Variants in PER1 observed in about 807,000 individuals in gnomAD.
PER1 encodes the protein period circadian protein homolog 1.
In PER1, 87 loss-of-function variants were observed where a neutral mutation model predicts 125.9. The ratio of observed to expected loss-of-function variants is 0.69; its 90% CI spans 0.58 to 0.83. PER1 has a LOEUF of 0.83. Ranked by LOEUF, PER1 falls within the 40% of genes least tolerant of loss-of-function variation. The pLI is 0.00. For synonymous variants in PER1, 801 were observed against 714.7 expected (o/e 1.12, Z -1.93); for missense variants, 1,775 against 1,722.8 (o/e 1.03, Z -0.54).
rs537709443 is a variant in PER1, at chr17:8,143,439, G to T, written c.2899C>A (p.His967Asn). The T allele has an allele frequency of 6.2e-7, 1 of 1,611,644 alleles. No homozygotes were observed. The highest frequency in any genetic ancestry group is 8.5e-7 in the Non-Finnish European group (1 of 1,178,722). The change falls in exon 19 of 23, where the codon CAC becomes AAC. Residue 967 changes from histidine to asparagine, a missense_variant. Physicochemically the swap from His to Asn is moderately conservative, Grantham distance 68. Coordinates refer to ENST00000317276, the MANE Select transcript of PER1 (RefSeq NM_002616.3). ...SLPALAPSPP[H>N]RPDSPLFNSR... ...TTGAACAGTGGAGAGTCCGGGCGGT[G>T]AGGAGGACTCGGGGCGAGGGCGGGC...
At position 8,149,631 on chromosome 17, in the gene PER1, C is replaced by G. The variant is rs376983965; in HGVS notation, c.684G>C (p.Thr228=). 119 of 1,610,970 alleles carry G rather than the reference C, an allele frequency of 7.4e-5. No individual in the cohort carries two copies. Among genetic ancestry groups the G allele is most frequent in the Non-Finnish European group, 9.7e-5 (114 of 1,177,416 alleles). The change falls in exon 6 of 23, where the codon ACG becomes ACC. Residue 228 remains threonine (T), a synonymous_variant. Transcript: ENST00000317276. ...GCTCCGAAATGTAGACGATTCGGCC[C>G]GTCAGGAAGGAGACAGCCACTGAGA... is the stretch of plus-strand genomic sequence containing the variant. ...DTFSVAVSFL[T]GRIVYISEQA... is the part of the protein sequence containing the mutation.
chr17:8,142,476 G>A lies in PER1; in HGVS notation c.3260-18C>T. ...GCTGCTGCCTGTGAAGTGGGGGGCA[G>A]ACCAATGGGAGTCAGGCCGGCTGCA... On this transcript the variant is annotated intron_variant, in intron 20 of 22. Coordinates refer to ENST00000317276, the MANE Select transcript of PER1 (RefSeq NM_002616.3). The A allele has an allele frequency of 6.4e-7, 1 of 1,561,562 alleles. No individual in the cohort carries two copies. Among genetic ancestry groups the A allele is most frequent in the Non-Finnish European group, 8.7e-7 (1 of 1,152,198 alleles).
Position 8,141,851 on chromosome 17 carries a change from T to C in PER1, c.3554A>G (p.His1185Arg). The C allele has an allele frequency of 6.2e-7, 1 of 1,613,908 alleles. No homozygotes were observed. The highest frequency in any genetic ancestry group is 8.5e-7 in the Non-Finnish European group (1 of 1,179,992). ...EDQRRELGAV[H>R]SWVRKGQLPR... The stretch of plus-strand genomic sequence containing the variant: ...CAGTTGGCCCTTCCGGACCCAGGAG[T>C]GCACAGCACCCAGTTCCCGCCGCTG... Residue 1185 changes from histidine to arginine, a missense_variant, in exon 22 of 23, where the codon CAC (histidine) becomes CGC (arginine). Transcript: ENST00000317276.
At position 8,147,980 on chromosome 17, in the gene PER1, G is replaced by A. The variant is rs376429185; in HGVS notation, c.1234+17C>T. ...CCCAGGACAGTGGGAAGGGCGAGCA[G>A]GGCGAGAGGAACTCACTCTTCTTGT... On this transcript the variant is annotated intron_variant, in intron 10 of 22. Coordinates refer to ENST00000317276, the MANE Select transcript of PER1 (RefSeq NM_002616.3). The A allele has an allele frequency of 7.5e-6, 12 of 1,604,510 alleles. No individual in the cohort carries two copies. In the African/African-American group the frequency reaches 1.3e-4, roughly 18 times the overall value.
Position 8,141,289 on chromosome 17 carries a change from G to C in PER1, c.3652C>G (p.Pro1218Ala). 4 of 1,613,856 alleles carry C rather than the reference G, an allele frequency of 2.5e-6. No homozygotes were observed. Among genetic ancestry groups the C allele is most frequent in the Non-Finnish European group, 3.4e-6 (4 of 1,179,922 alleles). ...AGTCCATCCAGCTCTGAGAAGAGTG[G>C]GTCATCAGGGTGACCAGGATCTTGG... is the stretch of plus-strand genomic sequence containing the variant. ...STQDPGHPDD[P>A]LFSELDGLGL... The change falls in exon 23 of 23, where the codon CCA becomes GCA. Residue 1218 changes from proline to alanine, a missense_variant. Transcript: ENST00000317276.
intron 5 of PER1, 43 bp from the exon 6 acceptor site, chr17:8,149,706 G>T: frequency 6.2e-7 from 1 of 1,611,806 alleles, no homozygotes; most frequent in East Asian, 2.2e-5. Flanking sequence ...AGAGCTGTGG[G>T]AGAAGGAGTA....
At chr17:8,141,522 C>A (rs138369881) in intron 22 of PER1, among the ~76,000 whole-genome samples, 182 bp from the exon 23 acceptor site, 52 of 152,336 alleles carry the variant, frequency 3.4e-4, no homozygotes, top group African/African-American at 1.2e-3. Flanking sequence ...TACCCAGATG[C>A]CGTTACAGGA....
Position 8,150,830 on chromosome 17 carries a change from C to G in PER1, c.-124G>C. ...CTAAGTCTCTGAGGGTTGAGAAGTTCGATCACAGCCAGTACCTGGAGAGGG... is the reference window on the plus strand; with the variant it reads ...CTAAGTCTCTGAGGGTTGAGAAGTTGGATCACAGCCAGTACCTGGAGAGGG... On this transcript the variant is annotated 5_prime_UTR_variant, in exon 2 of 23. Transcript: ENST00000317276. 1.1e-6 allele frequency: 1 copy of G among 872,106 alleles called. No homozygotes were observed. The highest frequency in any genetic ancestry group is 3.7e-4 in the Middle Eastern group (1 of 2,710). The allele number at this position is 872,106 out of a possible 1,614,324, so 54.0% of individuals were successfully genotyped here.
intron 17 of PER1, 46 bp downstream of exon 17, chr17:8,145,912 G>C: frequency 1.3e-6 from 2 of 1,541,200 alleles, no homozygotes; most frequent in Non-Finnish European, 1.8e-6. Flanking sequence ...CTCTAGCTGG[G>C]AGACCGGTGG....
Position 8,146,828 on chromosome 17 carries a change from T to A in PER1, c.1736-63A>T, listed in dbSNP as rs577986367. 36 of 1,605,072 alleles carry A rather than the reference T, an allele frequency of 2.2e-5. 1 individual carries two copies. In the Middle Eastern group the frequency reaches 6.6e-4, roughly 30 times the overall value. On this transcript the variant is annotated intron_variant, in intron 14 of 22. Transcript: ENST00000317276. The stretch of plus-strand genomic sequence containing the variant: ...AGCTCACATGGAAAAAAACAGCAAA[T>A]GGGTTGGGGGTGAAGGTCAGGGGAC...
chr17:8,142,268 C>G lies in PER1; in HGVS notation c.3449+1G>C. The G allele has an allele frequency of 6.3e-7, 1 of 1,587,376 alleles. No individual in the cohort carries two copies. Among genetic ancestry groups the G allele is most frequent in the Non-Finnish European group, 8.6e-7 (1 of 1,167,096 alleles). On this transcript the variant is annotated splice_donor_variant, in intron 21 of 22. Transcript: ENST00000317276. LOFTEE classifies it high-confidence loss of function. ...CCAAGAAGGCCTCTGAAATGCCTCA[C>G]CTGGAGGGCACCTGGTAGGTCATCA...
rs762462322 is a variant in PER1 at position 8,148,700 on chromosome 17, G to T, written c.992C>A (p.Ala331Asp). 1 of 1,613,828 alleles carries T rather than the reference G, an allele frequency of 6.2e-7. No individual in the cohort carries two copies. The highest frequency in any genetic ancestry group is 1.3e-5 in the African/African-American group (1 of 75,030). Residue 331 changes from alanine (A) to aspartate (D), a missense_variant, in exon 8 of 23, where the codon GCC (alanine) becomes GAC (aspartate). By Grantham distance (126) the Ala-to-Asp change is moderately radical (BLOSUM62 -2). Transcript: ENST00000317276. Reference sequence around the variant, plus strand: ...CAGCAGGCAGCACGGCTGTGCAGGGGCCCCATCTGAGACCCGGATCTTGGT... The same window carrying T: ...CAGCAGGCAGCACGGCTGTGCAGGGTCCCCATCTGAGACCCGGATCTTGGT... ...YVTKIRVSDG[A>D]PAQPCCLLIA...
chr17:8,144,473 T>C, intron 18 of PER1: 1 of 492,776 alleles, frequency 2.0e-6, no homozygotes. Context: ...TTCCTGCCCC[T>C]GCCCCCAGGC....
Position 8,141,330 on chromosome 17 carries a change from T to C in PER1, c.3611A>G (p.Asp1204Gly). 7 of 1,608,678 alleles carry C rather than the reference T, an allele frequency of 4.4e-6. No individual in the cohort carries two copies. Among genetic ancestry groups the C allele is most frequent in the Non-Finnish European group, 5.9e-6 (7 of 1,176,896 alleles). ...PRALDVMACV[D>G]CGSSTQDPGH... ...AGGATCTTGGGTGCTGCTCCCACAG[T>C]CCACACAGGCCTTGGTGAGAGAAAT... The change falls in exon 23 of 23, where the codon GAC (aspartate) becomes GGC (glycine). Residue 1204 changes from aspartate to glycine, a missense_variant. Transcript: ENST00000317276.
In PER1 at chr17:8,146,617, G is replaced by C. The variant is rs1401700752; in HGVS notation, c.1884C>G (p.Ile628Met). The C allele has an allele frequency of 1.9e-6, 3 of 1,612,084 alleles. No individual in the cohort carries two copies. The highest frequency in any genetic ancestry group is 2.7e-5 in the African/African-American group (2 of 74,898). ...ACCTGAGGATGCTGTCCAGGCAGTTGATCTGCTGGTAGGAGCAGCTGGAGG... is the reference window on the plus strand; with the variant it reads ...ACCTGAGGATGCTGTCCAGGCAGTTCATCTGCTGGTAGGAGCAGCTGGAGG... ...KEASSCSYQQINCLDSILRYL... is the reference protein window; with the variant it reads ...KEASSCSYQQMNCLDSILRYL... The change falls in exon 15 of 23, where the codon ATC becomes ATG. Residue 628 changes from isoleucine (I) to methionine (M), a missense_variant. By Grantham distance (10) the Ile-to-Met change is conservative. Transcript: ENST00000317276.
rs1359173717 is a variant in PER1, at chr17:8,148,854, C to G, written c.906-68G>C. ...CCACCCACTCCTCCAACAATAAGGT[C>G]ACAGCAGACAACAGCAAAGACGCTG... On this transcript the variant is annotated intron_variant, in intron 7 of 22. Coordinates refer to ENST00000317276, the MANE Select transcript of PER1 (RefSeq NM_002616.3). 48 of 1,573,132 alleles carry G rather than the reference C, an allele frequency of 3.1e-5. No homozygotes were observed. The East Asian group carries it at 1.0e-3, about 34-fold the overall frequency.
In PER1 at chr17:8,146,019, G is replaced by A. The variant is rs1303829168; in HGVS notation, c.2157C>T (p.Thr719=). 1.2e-6 allele frequency: 2 copies of A among 1,614,040 alleles called. No homozygotes were observed. Among genetic ancestry groups the A allele is most frequent in the Admixed American group, 1.7e-5 (1 of 60,026 alleles). ...TGGTGGAGCTGAAGCTACACTGACT[G>A]GTGACGGACACCACACTCTCCGCCT... ...ANKAESVVSV[T]SQCSFSSTIV... is the part of the protein sequence containing the mutation. Residue 719 remains threonine (T), a synonymous_variant, in exon 17 of 23, where the codon ACC becomes ACT. Coordinates refer to ENST00000317276, the MANE Select transcript of PER1 (RefSeq NM_002616.3).
Position 8,141,936 on chromosome 17 carries a change from T to A in PER1, c.3469A>T (p.Lys1157Ter). ...VPSRDMTSVLKQDRERLRAMQ... is the reference protein window; with the variant it reads ...VPSRDMTSVL ...GCTCGGAGCCGCTCCCGATCCTGCT[T>A]CAGCACAGAGGTCATGTCCCTGCCC... is the stretch of plus-strand genomic sequence containing the variant. Residue 1157 changes from lysine (K) to a stop codon, truncating the protein, a stop_gained, in exon 22 of 23, where the codon AAG becomes TAG. Transcript: ENST00000317276. LOFTEE classifies it high-confidence loss of function. The A allele has an allele frequency of 6.2e-7, 1 of 1,614,046 alleles. No individual in the cohort carries two copies. Among genetic ancestry groups the A allele is most frequent in the Non-Finnish European group, 8.5e-7 (1 of 1,180,020 alleles).
At chr17:8,147,871 C>G (rs1567536155) in intron 10 of PER1, 44 bp from the exon 11 acceptor site, 1 of 1,609,820 alleles carries the variant, frequency 6.2e-7, no homozygotes, top group East Asian at 2.2e-5. Context: ...GGAGGGAGAG[C>G]TGAGTAAGAG....
Sources: allele counts gnomAD v4.1 joint callset (sites outside exome capture counted in the v4.1 genomes callset), GRCh38; gene constraint gnomAD v4.1.1; transcripts MANE v1.5; gene names NCBI Gene and HGNC (gene_info 2026-07-23, HGNC 2026-07-21).